Variants in LHX2 observed in about 807,000 individuals in gnomAD.
LHX2 encodes the protein LIM homeobox 2.
Under a neutral mutation model 33.0 loss-of-function variants are expected in LHX2, and 6 were observed. The ratio of observed to expected loss-of-function variants is 0.18; its 90% CI spans 0.10 to 0.36. The LOEUF is 0.36. Among genes scored for constraint, LHX2 ranks in the 10% least tolerant of loss-of-function variants. The pLI is 1.00. For synonymous variants in LHX2, 292 were observed against 253.1 expected (o/e 1.15, Z -1.46); for missense variants, 442 against 586.2 (o/e 0.75, Z 2.54).
At chr9:124,021,386 A>G in intron 4 of LHX2, 82 bp downstream of exon 4, 1 of 1,252,494 alleles carries the variant, frequency 8.0e-7, no homozygotes, top group Non-Finnish European at 1.1e-6. Flanking sequence ...TGGGCCTTGG[A>G]AGGACCTTCC....
At position 124,032,258 on chromosome 9, in the gene LHX2, C is replaced by CA. The variant is rs1289890204; in HGVS notation, c.934-155dup. 2.0e-5 allele frequency: 16 copies of CA among 815,114 alleles called. No individual in the cohort carries two copies. Among genetic ancestry groups the CA allele is most frequent in the East Asian group, 2.8e-5 (1 of 35,602 alleles). The allele number at this position is 815,114 out of a possible 1,614,324, so 50.5% of individuals were successfully genotyped here. ...CCCTGTCTGCAAACAAAAACAAAAA[C>CA]AAAAAAACCAAAAAAGCAAAATATT... On this transcript the variant is annotated intron_variant, in intron 4 of 4. Transcript: ENST00000373615. The surrounding 1 kb of genome is among the most constrained non-coding windows in gnomAD (Gnocchi z 4.1).
intron 4 of LHX2, chr9:124,031,652 T>C (rs1364546101): frequency 1.3e-5 from 2 of 152,256 alleles, no homozygotes; most frequent in African/African-American, 4.8e-5. Context: ...TGTATTTTGC[T>C]TAACTCAGTA....
In LHX2 at chr9:124,032,685, C is replaced by A; in HGVS notation, c.1199C>A (p.Thr400Lys). 1.3e-6 allele frequency: 2 copies of A among 1,598,510 alleles called. No homozygotes were observed. The highest frequency in any genetic ancestry group is 1.7e-6 in the Non-Finnish European group (2 of 1,168,196). The change falls in exon 5 of 5, where the codon ACG (threonine) becomes AAG (lysine). Residue 400 changes from threonine to lysine, a missense_variant. Coordinates refer to ENST00000373615, the MANE Select transcript of LHX2 (RefSeq NM_004789.4). This position sits in a 1 kb window ranked among gnomAD's most constrained non-coding sequence, Gnocchi z 4.1. ...EGHEPHSPSQ[T>K]TLTNLF ...CATGAGCCTCACAGCCCCTCACAAA[C>A]GACTCTTACCAACCTTTTCTAATGA...
At chr9:124,017,656 C>T (rs557001576) in intron 3 of LHX2, among the ~76,000 whole-genome samples, 1 of 152,292 alleles carries the variant, frequency 6.6e-6, no homozygotes, top group Admixed American at 6.5e-5. Context: ...ACGACGACCC[C>T]TTGCAAAGCC....
Position 124,014,318 on chromosome 9 carries a change from T to A in LHX2, c.323+155T>A, listed in dbSNP as rs114112539. ...CCCAAGTTCTCCAAGCCACCACAAG[T>A]TGGGTGATAACCTTTTAAAGCAGCA... On this transcript the variant is annotated intron_variant, in intron 2 of 4. Transcript: ENST00000373615. This position sits in a 1 kb window ranked among gnomAD's most constrained non-coding sequence, Gnocchi z 4.8. Among the ~76,000 whole-genome samples, 1,917 of 150,326 alleles carry A rather than the reference T, an allele frequency of 0.013. 36 individuals carry two copies. The highest frequency in any genetic ancestry group is 0.045 in the African/African-American group (1,825 of 40,464).
chr9:124,032,759 G>A lies in LHX2; in HGVS notation c.*52G>A, dbSNP rs953724699. ...TTCTTTAAAAAAGAAATTATCTTTA[G>A]TTGAATTCCAAGTGTATTTTAAAAT... On this transcript the variant is annotated 3_prime_UTR_variant, in exon 5 of 5. Transcript: ENST00000373615. The surrounding 1 kb of genome is among the most constrained non-coding windows in gnomAD (Gnocchi z 4.1). 2 of 1,495,558 alleles carry A rather than the reference G, an allele frequency of 1.3e-6. No individual in the cohort carries two copies. The highest frequency in any genetic ancestry group is 1.4e-5 in the South Asian group (1 of 73,558). The allele number at this position is 1,495,558 out of a possible 1,614,324, so 92.6% of individuals were successfully genotyped here.
chr9:124,015,650 C>G lies in LHX2; in HGVS notation c.727+125C>G. 2.7e-6 allele frequency: 3 copies of G among 1,096,160 alleles called. No homozygotes were observed. Among genetic ancestry groups the G allele is most frequent in the Non-Finnish European group, 3.8e-6 (3 of 798,836 alleles). The allele number at this position is 1,096,160 out of a possible 1,614,324, so 67.9% of individuals were successfully genotyped here. A position where few individuals can be genotyped will look rare whatever the true frequency, so the allele number is the denominator to read the frequency against. ...GCGAGCCTTAAGCACCGGACGGCCT[C>G]GCAGAAGGGACATTAGCCCCCTGGG... On this transcript the variant is annotated intron_variant, in intron 3 of 4. Coordinates refer to ENST00000373615, the MANE Select transcript of LHX2 (RefSeq NM_004789.4). The surrounding 1 kb of genome is among the most constrained non-coding windows in gnomAD (Gnocchi z 7.9).
intron 1 of LHX2, among the ~76,000 whole-genome samples, chr9:124,013,594 T>A (rs1027227805): frequency 1.3e-5 from 2 of 152,246 alleles, no homozygotes; most frequent in Admixed American, 1.3e-4. Context: ...AGAAGCAGTT[T>A]AGGGAAAGCT....
chr9:124,017,290 G>C (rs183049479), intron 3 of LHX2, among the ~76,000 whole-genome samples: 63 of 152,216 alleles, frequency 4.1e-4, no homozygotes, highest in Middle Eastern at 3.4e-3. Flanking sequence ...TCCGACCTTG[G>C]CCGGGGCTCC....
In LHX2 at chr9:124,016,553, A is replaced by G. The variant is rs1271782108; in HGVS notation, c.727+1028A>G. 6.6e-6 allele frequency among the ~76,000 whole-genome samples: 1 copy of G among 152,200 alleles called. No homozygotes were observed. The highest frequency in any genetic ancestry group is 1.5e-5 in the Non-Finnish European group (1 of 68,042). Reference sequence around the variant, plus strand: ...AATGCACAAGCAGAAAAAAGCAAAAACAAAAACAAACCCAAGACTGTGCAG... The same window carrying G: ...AATGCACAAGCAGAAAAAAGCAAAAGCAAAAACAAACCCAAGACTGTGCAG... On this transcript the variant is annotated intron_variant, in intron 3 of 4. Coordinates refer to ENST00000373615, the MANE Select transcript of LHX2 (RefSeq NM_004789.4). The surrounding 1 kb of genome is among the most constrained non-coding windows in gnomAD (Gnocchi z 4.4).
At chr9:124,017,752 G>T (rs929453420) in intron 3 of LHX2, among the ~76,000 whole-genome samples, 1 of 151,584 alleles carries the variant, frequency 6.6e-6, no homozygotes, top group African/African-American at 2.4e-5. Flanking sequence ...AGGGGGCGCC[G>T]TCGGGGCGCC....
intron 4 of LHX2, chr9:124,021,728 C>T (rs1326495079): frequency 6.0e-6 from 1 of 165,492 alleles, no homozygotes; most frequent in African/African-American, 2.4e-5. Flanking sequence ...AGGTGACTAT[C>T]ATTAGCTCCT....
intron 3 of LHX2, among the ~76,000 whole-genome samples, chr9:124,020,239 A>G (rs1348563580): frequency 6.6e-6 from 1 of 152,096 alleles, no homozygotes; most frequent in Non-Finnish European, 1.5e-5. Context: ...AAAGCCAAAC[A>G]CACACCATAG....
intron 4 of LHX2, among the ~76,000 whole-genome samples, chr9:124,024,043 C>T (rs1037848067): frequency 2.0e-5 from 3 of 152,234 alleles, no homozygotes; most frequent in African/African-American, 7.2e-5. Context: ...GGATCCAAAT[C>T]CAGGCCTGCC....
chr9:124,012,290 G>A lies in LHX2; in HGVS notation c.-59G>A. The A allele has an allele frequency of 7.0e-7, 1 of 1,438,454 alleles. No individual in the cohort carries two copies. The highest frequency in any genetic ancestry group is 9.1e-7 in the Non-Finnish European group (1 of 1,099,842). 89.1% of individuals were successfully genotyped at this position (1,438,454 alleles called of 1,614,324 possible). A position where few individuals can be genotyped will look rare whatever the true frequency, so the allele number is the denominator to read the frequency against. On this transcript the variant is annotated 5_prime_UTR_variant, in exon 1 of 5. Coordinates refer to ENST00000373615, the MANE Select transcript of LHX2 (RefSeq NM_004789.4). The surrounding 1 kb of genome is among the most constrained non-coding windows in gnomAD (Gnocchi z 4.3). ...GCGCCAGGAGCGCCAGGCAGCTGAG[G>A]CGGGGGGCAAGCCCTCCCTCGGAGG...
chr9:124,032,623 G>T lies in LHX2; in HGVS notation c.1137G>T (p.Thr379=), dbSNP rs145536168. The part of the protein sequence containing the change: ...DLTSPTLPTV[T]SVLTSVPGNL... ...CTAGCCCCACCCTGCCAACTGTGAC[G>T]TCCGTCTTAACTTCTGTGCCTGGCA... Residue 379 remains threonine (T), a synonymous_variant, in exon 5 of 5, where the codon ACG becomes ACT. Transcript: ENST00000373615. The surrounding 1 kb of genome is among the most constrained non-coding windows in gnomAD (Gnocchi z 4.1). 5.3e-4 allele frequency: 855 copies of T among 1,614,094 alleles called. 2 individuals carry two copies. The highest frequency in any genetic ancestry group is 2.0e-3 in the Middle Eastern group (12 of 6,060).
chr9:124,032,675 C>G lies in LHX2; in HGVS notation c.1189C>G (p.Pro397Ala). 6.2e-7 allele frequency: 1 copy of G among 1,606,600 alleles called. No individual in the cohort carries two copies. The highest frequency in any genetic ancestry group is 8.5e-7 in the Non-Finnish European group (1 of 1,174,150). The change falls in exon 5 of 5, where the codon CCC becomes GCC. Residue 397 changes from proline (P) to alanine (A), a missense_variant. By Grantham distance (27) the Pro-to-Ala change is conservative (BLOSUM62 -1). Coordinates refer to ENST00000373615, the MANE Select transcript of LHX2 (RefSeq NM_004789.4). This position sits in a 1 kb window ranked among gnomAD's most constrained non-coding sequence, Gnocchi z 4.1. ...GNLEGHEPHSPSQTTLTNLF is the reference protein window; with the variant it reads ...GNLEGHEPHSASQTTLTNLF The stretch of plus-strand genomic sequence containing the variant: ...CCTGGAGGGCCATGAGCCTCACAGC[C>G]CCTCACAAACGACTCTTACCAACCT...
chr9:124,031,065 G>C (rs892187804), intron 4 of LHX2, among the ~76,000 whole-genome samples: 3 of 152,268 alleles, frequency 2.0e-5, no homozygotes. Context: ...ATTCTTTTCA[G>C]ACAGAGCTCA....
intron 3 of LHX2, among the ~76,000 whole-genome samples, chr9:124,018,183 C>T (rs1378365051): frequency 6.6e-6 from 1 of 151,796 alleles, no homozygotes; most frequent in African/African-American, 2.4e-5. Flanking sequence ...GACAAGAGCT[C>T]GAAACCCGAT....
Sources: gnomAD v4.1 joint callset for allele counts (sites outside exome capture counted in the v4.1 genomes callset) on GRCh38, gnomAD v4.1.1 for gene constraint, Gnocchi (gnomAD v3.1) non-coding constraint, MANE v1.5 for transcripts, NCBI Gene and HGNC (gene_info 2026-07-23, HGNC 2026-07-21) for gene names.